The following SPIDR variants were observed in gnomAD, a reference collection of about 807,000 sequenced individuals.
The protein encoded by SPIDR is scaffold protein involved in DNA repair.
In SPIDR, 93 loss-of-function variants were observed where a neutral mutation model predicts 104.6. The ratio of observed to expected loss-of-function variants is 0.89; its 90% CI spans 0.75 to 1.06. The LOEUF is 1.06. Ranked by LOEUF, SPIDR falls within the 50% of genes least tolerant of loss-of-function variation. The pLI is 0.00. For synonymous variants in SPIDR, 431 were observed against 416.9 expected (o/e 1.03, Z -0.41); for missense variants, 1,154 against 1,111.2 (o/e 1.04, Z -0.55).
chr8:47,714,995 T>A (rs1347792328), intron 16 of SPIDR, among the ~76,000 whole-genome samples: 2 of 152,154 alleles, frequency 1.3e-5, no homozygotes, highest in Non-Finnish European at 2.9e-5. Flanking sequence ...TAAAGTGTTT[T>A]TAGTATTCAC....
rs571928816 is a variant in SPIDR, at chr8:47,420,515, A to C, written c.877+12554A>C. Among the ~76,000 whole-genome samples, 37 of 152,186 alleles carry C rather than the reference A, an allele frequency of 2.4e-4. No individual in the cohort carries two copies. In the South Asian group the frequency reaches 5.0e-3, roughly 20 times the overall value. On this transcript the variant is annotated intron_variant, in intron 7 of 19. Coordinates refer to ENST00000297423, the MANE Select transcript of SPIDR (RefSeq NM_001080394.4). ...TTTTGAGCCTATGTGTGTCTCTGCA[A>C]ATGAGATGGGTTTCCTGAATGCAGC...
intron 16 of SPIDR, among the ~76,000 whole-genome samples, chr8:47,721,633 GGCTAATT>G (rs2083411834): frequency 1.3e-5 from 2 of 151,910 alleles, no homozygotes; most frequent in Admixed American, 1.3e-4. Context: ...CACCATGCCC[GGCTAATT>G]TTTTTTTTGT....
rs1425379775 is a variant in SPIDR at position 47,467,299 on chromosome 8, G to A, written c.1097+26757G>A. Among the ~76,000 whole-genome samples, 3 of 152,256 alleles carry A rather than the reference G, an allele frequency of 2.0e-5. No homozygotes were observed. The East Asian group carries it at 5.8e-4, about 29-fold the overall frequency. On this transcript the variant is annotated intron_variant, in intron 8 of 19. Transcript: ENST00000297423. ...CTACCAGATGTACAAAGAAGAGCTG[G>A]TATCATTCCTACTGAAACTATTCCG...
At chr8:47,417,446 T>C (rs2064556455) in intron 7 of SPIDR, among the ~76,000 whole-genome samples, 1 of 152,232 alleles carries the variant, frequency 6.6e-6, no homozygotes, top group South Asian at 2.1e-4. Flanking sequence ...TGTCTGTTCA[T>C]ATCCTTTGCC....
intron 8 of SPIDR, among the ~76,000 whole-genome samples, chr8:47,510,283 A>G (rs1317559964): frequency 6.6e-6 from 1 of 152,248 alleles, no homozygotes; most frequent in Non-Finnish European, 1.5e-5. Context: ...GCACACACAA[A>G]TGCTGACAGA....
chr8:47,352,195 T>C (rs2053630549), intron 5 of SPIDR, among the ~76,000 whole-genome samples: 1 of 151,472 alleles, frequency 6.6e-6, no homozygotes, highest in Admixed American at 6.6e-5. Flanking sequence ...GAGAATCACT[T>C]GAACCCGGGA....
At chr8:47,403,096 C>A (rs2062144422) in intron 6 of SPIDR, among the ~76,000 whole-genome samples, 1 of 152,146 alleles carries the variant, frequency 6.6e-6, no homozygotes, top group Admixed American at 6.5e-5. Context: ...GAACAAAAGA[C>A]AAAAACCACA....
chr8:47,719,970 C>T (rs1390390321), intron 16 of SPIDR, among the ~76,000 whole-genome samples: 1 of 152,198 alleles, frequency 6.6e-6, no homozygotes, highest in African/African-American at 2.4e-5. Context: ...GTGTATCATA[C>T]AGAATAGTTT....
At chr8:47,370,582 G>A (rs1162201662) in intron 5 of SPIDR, among the ~76,000 whole-genome samples, 2 of 151,364 alleles carry the variant, frequency 1.3e-5, no homozygotes, top group African/African-American at 4.9e-5. Context: ...GAGCATCAGG[G>A]ATTACAGGTG....
At chr8:47,515,806 T>C (rs999782549) in intron 8 of SPIDR, among the ~76,000 whole-genome samples, 2 of 152,228 alleles carry the variant, frequency 1.3e-5, no homozygotes, top group Admixed American at 6.5e-5. Flanking sequence ...ATACAGTCCA[T>C]GAAATGCCTT....
chr8:47,479,779 A>C (rs1554725926), intron 8 of SPIDR, among the ~76,000 whole-genome samples: 1 of 152,200 alleles, frequency 6.6e-6, no homozygotes, highest in African/African-American at 2.4e-5. Flanking sequence ...TAGAACTGTA[A>C]GTTTGGGGAA....
At chr8:47,497,307 T>C (rs1280863494) in intron 8 of SPIDR, among the ~76,000 whole-genome samples, 12 of 152,196 alleles carry the variant, frequency 7.9e-5, no homozygotes, top group Admixed American at 7.9e-4. Flanking sequence ...TTTTGTTGAT[T>C]TGAGGTCTGT....
At chr8:47,525,259 T>C (rs996402852) in intron 8 of SPIDR, among the ~76,000 whole-genome samples, 3 of 152,222 alleles carry the variant, frequency 2.0e-5, no homozygotes, top group Non-Finnish European at 1.5e-5. Flanking sequence ...ATTTACATGT[T>C]GTGCCAAAGG....
chr8:47,344,237 C>T (rs777654814), intron 5 of SPIDR, among the ~76,000 whole-genome samples: 36 of 151,762 alleles, frequency 2.4e-4, no homozygotes, highest in Non-Finnish European at 4.1e-4. Context: ...TCTGTCCTTG[C>T]GATAGTTTGT....
intron 5 of SPIDR, among the ~76,000 whole-genome samples, chr8:47,366,029 G>A (rs1047313461): frequency 6.6e-6 from 1 of 151,916 alleles, no homozygotes; most frequent in Non-Finnish European, 1.5e-5. Context: ...CAGTGGGAAA[G>A]GTAAAATGTA....
At chr8:47,713,984 G>A (rs941213585) in intron 16 of SPIDR, among the ~76,000 whole-genome samples, 1 of 152,160 alleles carries the variant, frequency 6.6e-6, no homozygotes, top group Non-Finnish European at 1.5e-5. Flanking sequence ...GGTCAGGGAT[G>A]GAGCAGGAGG....
intron 7 of SPIDR, among the ~76,000 whole-genome samples, chr8:47,415,581 A>G (rs1324780140): frequency 1.3e-5 from 2 of 152,158 alleles, no homozygotes; most frequent in African/African-American, 4.8e-5. Context: ...GCCCTCATGA[A>G]GGGAATTAGA....
At chr8:47,536,594 T>A (rs1197333693) in intron 8 of SPIDR, among the ~76,000 whole-genome samples, 1 of 152,122 alleles carries the variant, frequency 6.6e-6, no homozygotes, top group African/African-American at 2.4e-5. Flanking sequence ...TAGACACAGA[T>A]CTTACACCAA....
chr8:47,386,646 G>C (rs1466546877), intron 5 of SPIDR, among the ~76,000 whole-genome samples: 1 of 152,082 alleles, frequency 6.6e-6, no homozygotes, highest in Non-Finnish European at 1.5e-5. Flanking sequence ...GCCTCTCCCA[G>C]TACAGTTACT....
Sources: gnomAD v4.1 joint callset for allele counts (sites outside exome capture counted in the v4.1 genomes callset) on GRCh38, gnomAD v4.1.1 for gene constraint, MANE v1.5 for transcripts, NCBI Gene and HGNC (gene_info 2026-07-23, HGNC 2026-07-21) for gene names.